Variants in MUC3A observed in about 807,000 individuals in gnomAD.
MUC3A encodes mucin 3A, cell surface associated.
A neutral mutation model predicts 109.0 loss-of-function variants in MUC3A; 109 were observed. The ratio of observed to expected loss-of-function variants is 1.00; its 90% CI spans 0.86 to 1.17. The LOEUF (loss-of-function observed/expected upper bound fraction) is 1.17, where lower values mean the gene tolerates loss of function less well. MUC3A is among the 50% of genes most tolerant of loss of function. The pLI is 0.00. For missense variants in MUC3A, 3,537 were observed against 2,469.4 expected (o/e 1.43, Z -9.16); for synonymous variants, 1,398 against 981.4 (o/e 1.42, Z -7.93).
In MUC3A at chr7:100,955,254, A is replaced by G. The variant is rs1052643147; in HGVS notation, c.3475A>G (p.Ile1159Val). The change falls in exon 2 of 12, where the codon ATC becomes GTC. Residue 1159 changes from isoleucine to valine, a missense_variant. By Grantham distance (29) the Ile-to-Val change is conservative (BLOSUM62 3). Transcript: ENST00000379458. ...TACCCCCAGCTTCACTTCTTCAACC[A>G]TCTACTCCACAGTCAGCACATCCAC... is the stretch of plus-strand genomic sequence containing the variant. Reference protein sequence around the residue: ...LSTPSFTSSTIYSTVSTSTTA... With the variant: ...LSTPSFTSSTVYSTVSTSTTA... 7.9e-6 allele frequency: 6 copies of G among 764,228 alleles called. No individual in the cohort carries two copies. The highest frequency in any genetic ancestry group is 4.9e-5 in the East Asian group (2 of 41,204). 47.3% of individuals were successfully genotyped at this position (764,228 alleles called of 1,614,324 possible). A position where few individuals can be genotyped will look rare whatever the true frequency, so the allele number is the denominator to read the frequency against.
chr7:100,965,890 A>C, intron 8 of MUC3A, 24 bp downstream of exon 8: 3 of 1,576,002 alleles, frequency 1.9e-6, no homozygotes, highest in Non-Finnish European at 2.6e-6. Flanking sequence ...CACCATCGGC[A>C]TCAGCCGAGC....
At chr7:100,963,969 G>C in intron 5 of MUC3A, 1 of 673,794 alleles carries the variant, frequency 1.5e-6, no homozygotes, top group Non-Finnish European at 2.5e-6. Flanking sequence ...ACTGGAAGGA[G>C]AGAAGTTGCA....
rs1030358809 is a variant in MUC3A at position 100,953,322 on chromosome 7, G to C, written c.1543G>C (p.Val515Leu). Residue 515 changes from valine to leucine, a missense_variant, in exon 2 of 12, where the codon GTA (valine) becomes CTA (leucine). Physicochemically the swap from Val to Leu is conservative, Grantham distance 32 (BLOSUM62 1). Transcript: ENST00000379458. The part of the protein sequence containing the change: ...ATTPNVRPTF[V>L]STLSTPTSSL... Reference sequence around the variant, plus strand: ...TACTCCCAATGTGAGACCAACTTTTGTAAGTACACTCAGCACTCCTACAAG... The same window carrying C: ...TACTCCCAATGTGAGACCAACTTTTCTAAGTACACTCAGCACTCCTACAAG... The C allele has an allele frequency of 8.6e-6, 4 of 465,906 alleles. No homozygotes were observed. The highest frequency in any genetic ancestry group is 6.4e-5 in the East Asian group (2 of 31,126). The allele number at this position is 465,906 out of a possible 1,614,324, so 28.9% of individuals were successfully genotyped here. A position where few individuals can be genotyped will look rare whatever the true frequency, so the allele number is the denominator to read the frequency against.
chr7:100,959,807 T>C lies in MUC3A; in HGVS notation c.8028T>C (p.Ser2676=). 1 of 1,590,686 alleles carries C rather than the reference T, an allele frequency of 6.3e-7. No individual in the cohort carries two copies. Among genetic ancestry groups the C allele is most frequent in the South Asian group, 1.1e-5 (1 of 89,092 alleles). The change falls in exon 2 of 12, where the codon TCT becomes TCC. Residue 2676 remains serine, a synonymous_variant. Transcript: ENST00000379458. ...GSTSTNAILT[S]FSTIIWSSTP... is the part of the protein sequence containing the mutation. ...CGTCTACAAATGCAATCTTGACTTC[T>C]TTTAGTACCATCATCTGGTCCTCAA...
At position 100,965,334 on chromosome 7, in the gene MUC3A, G is replaced by C. The variant is rs1396428328; in HGVS notation, c.9435G>C (p.Glu3145Asp). 1 of 1,598,888 alleles carries C rather than the reference G, an allele frequency of 6.3e-7. No individual in the cohort carries two copies. Among genetic ancestry groups the C allele is most frequent in the South Asian group, 1.1e-5 (1 of 90,892 alleles). ...AGGTGAACAACAACAGCAAGACAGA[G>C]CTGACCCCGGCAGGTAAGGGTGGGG... ...SIKVNNNSKT[E>D]LTPAAICRRA... Residue 3145 changes from glutamate to aspartate, a missense_variant, in exon 7 of 12, where the codon GAG (glutamate) becomes GAC (aspartate). Physicochemically the swap from Glu to Asp is conservative, Grantham distance 45. Transcript: ENST00000379458.
chr7:100,965,706 A>C lies in MUC3A; in HGVS notation c.9451A>C (p.Ile3151Leu). The change falls in exon 8 of 12, where the codon ATC becomes CTC. Residue 3151 changes from isoleucine to leucine, a missense_variant and splice_region_variant. By Grantham distance (5) the Ile-to-Leu change is conservative. Transcript: ENST00000379458. ...NSKTELTPAA[I>L]CRRAAPTGYE... is the part of the protein sequence containing the mutation. Reference sequence around the variant, plus strand: ...GCATCCCCCTCCCCAACCCCCAGCCATCTGCCGCCGCGCCGCTCCCACGGG... The same window carrying C: ...GCATCCCCCTCCCCAACCCCCAGCCCTCTGCCGCCGCGCCGCTCCCACGGG... 1 of 1,596,848 alleles carries C rather than the reference A, an allele frequency of 6.3e-7. No homozygotes were observed. The highest frequency in any genetic ancestry group is 8.5e-7 in the Non-Finnish European group (1 of 1,178,794).
rs747054336 is a variant in MUC3A, at chr7:100,966,410, G to A, written c.9636G>A (p.Trp3212Ter). Residue 3212 changes from tryptophan (W) to a stop codon, truncating the protein, a stop_gained, in exon 9 of 12, where the codon TGG becomes TGA. Transcript: ENST00000379458. LOFTEE classifies it high-confidence loss of function. ...GCTGCTACTCCACCGACACGCACTG[G>A]TTCTCTGGCCCGCGCTGCGAGGTGG... is the stretch of plus-strand genomic sequence containing the variant. ...TCRCYSTDTHWFSGPRCEVAV... is the reference protein window; with the variant it reads ...TCRCYSTDTH The A allele has an allele frequency of 5.9e-6, 8 of 1,350,938 alleles. No homozygotes were observed. Among genetic ancestry groups the A allele is most frequent in the Non-Finnish European group, 7.6e-6 (8 of 1,058,082 alleles). The allele number at this position is 1,350,938 out of a possible 1,614,324, so 83.7% of individuals were successfully genotyped here.
At position 100,957,321 on chromosome 7, in the gene MUC3A, G is replaced by C. The variant is rs1792124109; in HGVS notation, c.5542G>C (p.Ala1848Pro). The change falls in exon 2 of 12, where the codon GCT (alanine) becomes CCT (proline). Residue 1848 changes from alanine (A) to proline (P), a missense_variant. Ala to Pro is a conservative substitution (Grantham distance 27). Coordinates refer to ENST00000379458, the MANE Select transcript of MUC3A (RefSeq NM_005960.2). The stretch of plus-strand genomic sequence containing the variant: ...CACCTACCCTACTTCTCTTACTAGT[G>C]CTCTCACAGATTCCACGACCAGAAC... ...ETTYPTSLTS[A>P]LTDSTTRTTY... 3 of 572,222 alleles carry C rather than the reference G, an allele frequency of 5.2e-6. No homozygotes were observed. The highest frequency in any genetic ancestry group is 9.2e-6 in the Non-Finnish European group (3 of 326,686). 35.4% of individuals were successfully genotyped at this position (572,222 alleles called of 1,614,324 possible). A position where few individuals can be genotyped will look rare whatever the true frequency, so the allele number is the denominator to read the frequency against.
chr7:100,966,049 T>TCGCCCTAAAGTGTAGACCCGCCTCC, intron 8 of MUC3A, 183 bp downstream of exon 8: 1 of 855,048 alleles, frequency 1.2e-6, no homozygotes, highest in Non-Finnish European at 1.7e-6. Context: ...GCTCTGCTCC[T>TCGCCCTAAAGTGTAGACCCGCCTCC]TTGATGGGGT....
rs1298304872 is a variant in MUC3A at position 100,966,521 on chromosome 7, G to A, written c.9747G>A (p.Ala3249=). ...VLLLLALGVR[A]VRSGWWGGQR... is the part of the protein sequence containing the mutation. The stretch of plus-strand genomic sequence containing the variant: ...TGCTGCTGGCGCTGGGCGTCCGGGC[G>A]GTGCGCTCCGGATGGTGGGGCGGCC... Residue 3249 remains alanine, a synonymous_variant, in exon 9 of 12, where the codon GCG becomes GCA. Coordinates refer to ENST00000379458, the MANE Select transcript of MUC3A (RefSeq NM_005960.2). The A allele has an allele frequency of 3.0e-6, 4 of 1,312,276 alleles. No homozygotes were observed. In the East Asian group the frequency reaches 1.2e-4, roughly 40 times the overall value. 81.3% of individuals were successfully genotyped at this position (1,312,276 alleles called of 1,614,324 possible). A position where few individuals can be genotyped will look rare whatever the true frequency, so the allele number is the denominator to read the frequency against.
Position 100,959,363 on chromosome 7 carries a change from T to C in MUC3A, c.7584T>C (p.Ser2528=), listed in dbSNP as rs1792233454. ...CAACTCGAACACACATCATTTCATC[T>C]TCTCCCTCCATCCAAAGTACAGAAA... ...TLPTRTHIIS[S]SPSIQSTETS... is the part of the protein sequence containing the mutation. The change falls in exon 2 of 12, where the codon TCT becomes TCC. Residue 2528 remains serine, a synonymous_variant. Transcript: ENST00000379458. 1 of 1,540,654 alleles carries C rather than the reference T, an allele frequency of 6.5e-7. No homozygotes were observed. Among genetic ancestry groups the C allele is most frequent in the East Asian group, 2.2e-5 (1 of 44,542 alleles).
At chr7:100,965,593 C>T (rs1792505075) in intron 7 of MUC3A, 111 bp from the exon 8 acceptor site, 1 of 1,513,530 alleles carries the variant, frequency 6.6e-7, no homozygotes, top group Non-Finnish European at 8.8e-7. Context: ...CCACAGCATC[C>T]CACCTCGGAA....
In MUC3A at chr7:100,967,106, CTG is replaced by C; in HGVS notation, c.9931-12_9931-11del. On this transcript the variant is annotated splice_polypyrimidine_tract_variant and intron_variant, in intron 11 of 11. Transcript: ENST00000379458. The stretch of plus-strand genomic sequence containing the variant: ...AGTGGCTCCGCGTTCCCGTCCCTCA[CTG>C]TGACTCTGACAGGTGCACATCAAGA... 6.3e-7 allele frequency: 1 copy of C among 1,598,554 alleles called. No homozygotes were observed. The highest frequency in any genetic ancestry group is 2.2e-5 in the East Asian group (1 of 44,892).
At chr7:100,951,794 G>A (rs1336278713) in intron 1 of MUC3A, 47 bp from the exon 2 acceptor site, 2 of 1,578,084 alleles carry the variant, frequency 1.3e-6, no homozygotes, top group South Asian at 2.3e-5. Flanking sequence ...GTAACAAAAT[G>A]ACCCACGGAT....
chr7:100,967,100 C>T (rs1356929819), intron 11 of MUC3A, 21 bp from the exon 12 acceptor site: 1 of 1,598,428 alleles, frequency 6.3e-7, no homozygotes, highest in African/African-American at 1.3e-5. Context: ...GCGTTCCCGT[C>T]CCTCACTGTG....
chr7:100,966,846 C>G, intron 10 of MUC3A, 53 bp from the exon 11 acceptor site: 1 of 1,598,410 alleles, frequency 6.3e-7, no homozygotes, highest in Non-Finnish European at 8.5e-7. Context: ...TCCCCCTCTC[C>G]CTTCCGTCCC....
chr7:100,961,370 G>A (rs1792319526), intron 3 of MUC3A, among the ~76,000 whole-genome samples: 1 of 152,312 alleles, frequency 6.6e-6, no homozygotes, highest in African/African-American at 2.4e-5. Flanking sequence ...GCCCTTTGCA[G>A]CTTCTGGAGC....
In MUC3A at chr7:100,954,626, C is replaced by T. The variant is rs2116168573; in HGVS notation, c.2847C>T (p.Thr949=). 2.6e-6 allele frequency: 1 copy of T among 387,832 alleles called. No individual in the cohort carries two copies. Among genetic ancestry groups the T allele is most frequent in the East Asian group, 3.6e-5 (1 of 27,638 alleles). 24.0% of individuals were successfully genotyped at this position (387,832 alleles called of 1,614,324 possible). Residue 949 remains threonine (T), a synonymous_variant, in exon 2 of 12, where the codon ACC becomes ACT. Coordinates refer to ENST00000379458, the MANE Select transcript of MUC3A (RefSeq NM_005960.2). ...TTGAATCCACCCCATCACCCACTAC[C>T]ACCACCTCATTTACCACATCCACAA... ...TTVESTPSPT[T]TTSFTTSTMM...
chr7:100,957,337 C>T lies in MUC3A; in HGVS notation c.5558C>T (p.Thr1853Met), dbSNP rs905924885. 1.7e-5 allele frequency: 10 copies of T among 597,002 alleles called. No homozygotes were observed. Among genetic ancestry groups the T allele is most frequent in the African/African-American group, 9.5e-5 (5 of 52,566 alleles). The allele number at this position is 597,002 out of a possible 1,614,324, so 37.0% of individuals were successfully genotyped here. The change falls in exon 2 of 12, where the codon ACG becomes ATG. Residue 1853 changes from threonine to methionine, a missense_variant. Physicochemically the swap from Thr to Met is moderately conservative, Grantham distance 81 (BLOSUM62 -1). Transcript: ENST00000379458. ...CTTACTAGTGCTCTCACAGATTCCA[C>T]GACCAGAACCACCTATTCCACCAAT... ...TSLTSALTDS[T>M]TRTTYSTNMT...
Sources: allele counts gnomAD v4.1 joint callset (sites outside exome capture counted in the v4.1 genomes callset), GRCh38; gene constraint gnomAD v4.1.1; transcripts MANE v1.5; gene names NCBI Gene and HGNC (gene_info 2026-07-23, HGNC 2026-07-21).